The following TNRC6A variants were observed in gnomAD, a reference collection of about 807,000 sequenced individuals.
The protein encoded by TNRC6A is trinucleotide repeat containing adaptor 6A, also known as trinucleotide repeat-containing gene 6A protein.
In TNRC6A, 44 loss-of-function variants were observed where a neutral mutation model predicts 221.2. The observed-to-expected ratio is 0.20, with a 90% CI of 0.16 to 0.26. The LOEUF is 0.26. Among genes scored for constraint, TNRC6A ranks in the 10% least tolerant of loss-of-function variants. The pLI is 1.00. For missense variants in TNRC6A, 2,199 were observed against 2,404.4 expected, an observed-to-expected ratio of 0.91 and a Z score of 1.79; for synonymous variants, 847 against 838.5, an observed-to-expected ratio of 1.01 and a Z score of -0.18.
At chr16:24,727,696 A>C (rs1197812899), upstream of TNRC6A, among the ~76,000 whole-genome samples, 1 of 152,242 alleles carries the variant, frequency 6.6e-6, no homozygotes, top group Non-Finnish European at 1.5e-5. Context: ...TTGTTGTGAA[A>C]AATTATTCCT....
chr16:24,657,157 T>A (rs1325457638), intron 2 of TNRC6A, among the ~76,000 whole-genome samples: 1 of 149,924 alleles, frequency 6.7e-6, no homozygotes. Context: ...CTACAAAAAA[T>A]ACAAAAATTA....
At chr16:24,739,058 G>C (rs2056834950) in intron 2 of TNRC6A, among the ~76,000 whole-genome samples, 1 of 152,132 alleles carries the variant, frequency 6.6e-6, no homozygotes, top group South Asian at 2.1e-4. Flanking sequence ...GTTTCACTGT[G>C]TTGCTCAGGC....
chr16:24,786,837 A>G (rs1192663372), intron 5 of TNRC6A, among the ~76,000 whole-genome samples: 2 of 151,992 alleles, frequency 1.3e-5, no homozygotes, highest in African/African-American at 2.4e-5. Context: ...GCCTGCCACC[A>G]CGTCCGGCTC....
At position 24,806,261 on chromosome 16, in the gene TNRC6A, A is replaced by G. The variant is rs1211216051; in HGVS notation, c.4307A>G (p.Asn1436Ser). 29 of 1,614,028 alleles carry G rather than the reference A, an allele frequency of 1.8e-5. No homozygotes were observed. Among genetic ancestry groups the G allele is most frequent in the Non-Finnish European group, 2.5e-5 (29 of 1,180,026 alleles). Residue 1436 changes from asparagine to serine, a missense_variant, in exon 16 of 25, where the codon AAC becomes AGC. By Grantham distance (46) the Asn-to-Ser change is conservative (BLOSUM62 1). Around this residue, in one of 8 missense-constraint regions of TNRC6A, gnomAD observed 449 missense variants for 579.7 expected, o/e 0.77. Transcript: ENST00000395799. ...AQSQRSVPSG[N>S]RPQQDQQGRP... ...AGTCAGAGAAGCGTGCCTTCTGGGA[A>G]CCGGCCGCAGCAAGACCAGCAGGTA... is the stretch of plus-strand genomic sequence containing the variant.
At chr16:24,667,726 A>G (rs1482922418) in intron 2 of TNRC6A, among the ~76,000 whole-genome samples, 11 of 152,242 alleles carry the variant, frequency 7.2e-5, no homozygotes, top group Admixed American at 7.2e-4. Context: ...TATTGTTGTC[A>G]TATCGTTCCA....
chr16:24,708,555 T>C (rs916444609), intron 2 of TNRC6A, among the ~76,000 whole-genome samples: 1 of 152,070 alleles, frequency 6.6e-6, no homozygotes, highest in Non-Finnish European at 1.5e-5. Flanking sequence ...ATGAGTTCTT[T>C]AGTGGTGAAT....
intron 5 of TNRC6A, among the ~76,000 whole-genome samples, chr16:24,779,454 C>T (rs1319284398): frequency 6.6e-6 from 1 of 152,154 alleles, no homozygotes; most frequent in African/African-American, 2.4e-5. Context: ...CTAAGTGTTA[C>T]TAGGATTGGT....
chr16:24,798,788 C>T (rs545179202), intron 11 of TNRC6A, among the ~76,000 whole-genome samples: 2 of 152,070 alleles, frequency 1.3e-5, no homozygotes, highest in African/African-American at 2.4e-5. Context: ...TGTGTTAATC[C>T]GAGTCCAGTC....
chr16:24,747,139 G>A (rs1451056355), intron 2 of TNRC6A, among the ~76,000 whole-genome samples: 1 of 152,168 alleles, frequency 6.6e-6, no homozygotes, highest in Non-Finnish European at 1.5e-5. Context: ...CCTAGTCAAT[G>A]TATGAAACCA....
intron 2 of TNRC6A, among the ~76,000 whole-genome samples, chr16:24,714,395 G>A (rs574034964): frequency 9.8e-4 from 127 of 128,982 alleles, no homozygotes; most frequent in African/African-American, 3.5e-3. Flanking sequence ...TGCAAGCTCC[G>A]CCTCCCAGGT....
intron 2 of TNRC6A, among the ~76,000 whole-genome samples, chr16:24,656,010 G>A (rs2054902991): frequency 6.6e-6 from 1 of 151,650 alleles, no homozygotes; most frequent in African/African-American, 2.4e-5. Flanking sequence ...AGGCATGGTG[G>A]TGAGTGCCTG....
intron 11 of TNRC6A, among the ~76,000 whole-genome samples, chr16:24,799,221 A>C (rs2151943093): frequency 6.6e-6 from 1 of 152,324 alleles, no homozygotes; most frequent in South Asian, 2.1e-4. Flanking sequence ...TGGCGAAGGA[A>C]AAAAACCTAT....
At chr16:24,815,413 G>T (rs565678518) in intron 19 of TNRC6A, 108 bp downstream of exon 19, 1 of 1,269,508 alleles carries the variant, frequency 7.9e-7, no homozygotes, top group East Asian at 2.5e-5. Context: ...TTAGACTGAC[G>T]TGTGCGGATG....
rs189660491 is a variant in TNRC6A, at chr16:24,651,291, C to A, written n.402+10282C>A. Among the ~76,000 whole-genome samples the A allele has an allele frequency of 7.2e-3, 1,093 of 151,978 alleles. 3 individuals are homozygous for A. The highest frequency in any genetic ancestry group is 0.012 in the Non-Finnish European group (821 of 67,980). The stretch of plus-strand genomic sequence containing the variant: ...CCGTGCCTCACGCCTGTAATCCCAG[C>A]ACTTTGGGAGGCTGAGTCAGGCAGA... On this transcript the variant is annotated intron_variant and non_coding_transcript_variant, in intron 2 of 2. Coordinates refer to the TNRC6A transcript ENST00000566108.
At position 24,804,998 on chromosome 16, in the gene TNRC6A, C is replaced by T. The variant is rs892401950; in HGVS notation, c.3985-16C>T. 3 of 1,613,974 alleles carry T rather than the reference C, an allele frequency of 1.9e-6. No individual in the cohort carries two copies. The highest frequency in any genetic ancestry group is 2.7e-5 in the African/African-American group (2 of 74,892). On this transcript the variant is annotated splice_polypyrimidine_tract_variant and intron_variant, in intron 13 of 24. Transcript: ENST00000395799. ...TAAAGAATCCCACTGTTACTTGTTG[C>T]TGTTTGTTTTTATAGAATGGCAATC...
chr16:24,817,308 G>T (rs1349948829), intron 20 of TNRC6A, among the ~76,000 whole-genome samples: 2 of 152,106 alleles, frequency 1.3e-5, no homozygotes, highest in African/African-American at 4.8e-5. Context: ...TCCAGCAGTT[G>T]TATTAAAGGA....
At chr16:24,802,142 T>G (rs2058343683) in intron 11 of TNRC6A, among the ~76,000 whole-genome samples, 1 of 152,202 alleles carries the variant, frequency 6.6e-6, no homozygotes, top group Non-Finnish European at 1.5e-5. Context: ...AGGTAAGTAT[T>G]ATGGTGGTGG....
At chr16:24,714,887 T>G (rs1231997742) in intron 2 of TNRC6A, among the ~76,000 whole-genome samples, 1 of 151,498 alleles carries the variant, frequency 6.6e-6, no homozygotes, top group Non-Finnish European at 1.5e-5. Flanking sequence ...TTGTTTTTTT[T>G]TTTTTCTGGG....
intron 1 of TNRC6A, among the ~76,000 whole-genome samples, chr16:24,621,144 A>G (rs1478276676): frequency 6.6e-6 from 1 of 151,124 alleles, no homozygotes; most frequent in Non-Finnish European, 1.5e-5. Context: ...AAAGAAAAAT[A>G]GTATTCAAGT....
Sources: gnomAD v4.1 joint callset for allele counts (sites outside exome capture counted in the v4.1 genomes callset) on GRCh38, gnomAD v4.1.1 for gene constraint, gnomAD v4.1.1 regional missense constraint, MANE v1.5 for transcripts, NCBI Gene and HGNC (gene_info 2026-07-23, HGNC 2026-07-21) for gene names.